NAP1L1: variants seen among roughly 807,000 people sequenced by gnomAD.
NAP1L1 encodes nucleosome assembly protein 1 like 1.
In NAP1L1, 9 loss-of-function variants were observed where a neutral mutation model predicts 58.9. That is an observed-to-expected ratio of 0.15 (90% CI 0.09 to 0.27). NAP1L1 has a LOEUF of 0.27. NAP1L1 is among the 10% of genes least tolerant of loss of function. NAP1L1 has a pLI of 1.00. For missense variants in NAP1L1, 302 were observed against 458.8 expected (o/e 0.66, Z 3.12); for synonymous variants, 130 against 138.3 (o/e 0.94, Z 0.42).
rs7972289 is a variant in NAP1L1, at chr12:76,067,365, C to T, written c.206+6G>A. On this transcript the variant is annotated splice_donor_region_variant and intron_variant, in intron 4 of 14. Coordinates refer to ENST00000618691, the MANE Select transcript of NAP1L1 (RefSeq NM_004537.7). ...AAGATAAATAAGGACTATGGAAAAG[C>T]TGTACCTTTCAATGTATCCTGTTGG... 0.81 allele frequency: 1,295,321 copies of T among 1,589,560 alleles called. 530,021 individuals carry two copies. The highest frequency in any genetic ancestry group is 1 in the East Asian group (44,445 of 44,590).
intron 2 of NAP1L1, among the ~76,000 whole-genome samples, chr12:76,070,743 T>G (rs1380715186): frequency 6.6e-6 from 1 of 152,224 alleles, no homozygotes; most frequent in African/African-American, 2.4e-5. Flanking sequence ...ACCAAAATCC[T>G]GGGATGTTCA....
At chr12:76,049,623 C>T (rs1450489852) in intron 13 of NAP1L1, 133 bp downstream of exon 13, 1 of 1,520,388 alleles carries the variant, frequency 6.6e-7, no homozygotes, top group African/African-American at 1.4e-5. Flanking sequence ...CTGTAGAATT[C>T]TAAAATCATG....
intron 4 of NAP1L1, among the ~76,000 whole-genome samples, chr12:76,063,945 G>A (rs953806655): frequency 4.7e-5 from 7 of 149,230 alleles, no homozygotes; most frequent in African/African-American, 1.7e-4. Flanking sequence ...CCAGCGCTTT[G>A]GAAGACCAAG....
chr12:76,068,247 T>C (rs1227896392), intron 3 of NAP1L1, among the ~76,000 whole-genome samples: 2 of 152,278 alleles, frequency 1.3e-5, no homozygotes, highest in East Asian at 1.9e-4. Flanking sequence ...AATATCAATA[T>C]TGGTCACTGA....
chr12:76,073,352 C>G (rs1041698724), intron 2 of NAP1L1, among the ~76,000 whole-genome samples: 1 of 152,214 alleles, frequency 6.6e-6, no homozygotes, highest in African/African-American at 2.4e-5. Flanking sequence ...TAAAATTACA[C>G]GCAACAAACA....
At chr12:76,054,950 T>C in intron 8 of NAP1L1, 69 bp downstream of exon 8, 1 of 1,177,368 alleles carries the variant, frequency 8.5e-7, no homozygotes, top group Non-Finnish European at 1.2e-6. Flanking sequence ...AATGTTATCT[T>C]TTTAAAAGCT....
At chr12:76,073,886 G>A (rs2137083186) in intron 2 of NAP1L1, 1 of 238,622 alleles carries the variant, frequency 4.2e-6, no homozygotes, top group South Asian at 9.9e-5. Flanking sequence ...AATGCAAGCA[G>A]TAAATCTTTG....
At position 76,044,595 on chromosome 12, in the gene NAP1L1, T is replaced by C. The variant is rs1948581032; in HGVS notation, c.*3834A>G. On this transcript the variant is annotated 3_prime_UTR_variant, in exon 15 of 15. Coordinates refer to ENST00000618691, the MANE Select transcript of NAP1L1 (RefSeq NM_004537.7). ...TCAAAAATATCATAAGTAGAAGATG[T>C]GTTTAATACTCCAATAAACTCATAA... The C allele has an allele frequency of 6.6e-6, 1 of 152,232 alleles. No individual in the cohort carries two copies. The highest frequency in any genetic ancestry group is 1.5e-5 in the Non-Finnish European group (1 of 68,046). The allele number at this position is 152,232 out of a possible 1,614,324, so 9.4% of individuals were successfully genotyped here.
intron 1 of NAP1L1, among the ~76,000 whole-genome samples, chr12:76,079,012 CAT>C (rs761513778): frequency 1.3e-5 from 2 of 151,830 alleles, no homozygotes; most frequent in South Asian, 2.1e-4. Flanking sequence ...CACACACACA[CAT>C]ATATTTATCC....
intron 2 of NAP1L1, chr12:76,073,878 T>C (rs1950075226): frequency 4.4e-6 from 1 of 229,112 alleles, no homozygotes; most frequent in African/African-American, 2.3e-5. Context: ...TACATTACAA[T>C]GCAAGCAGTA....
chr12:76,079,794 T>C (rs1138895), intron 1 of NAP1L1, among the ~76,000 whole-genome samples: 11 of 151,716 alleles, frequency 7.3e-5, no homozygotes, highest in African/African-American at 2.7e-4. Context: ...AGTGATCCTC[T>C]CACCTCAGCC....
chr12:76,068,431 C>CA (rs1191942698), intron 3 of NAP1L1: 1 of 152,414 alleles, frequency 6.6e-6, no homozygotes, highest in Non-Finnish European at 1.5e-5. Flanking sequence ...CTAAGTAGTA[C>CA]AATCCCCCAC....
intron 6 of NAP1L1, among the ~76,000 whole-genome samples, chr12:76,059,273 TG>T (rs1022213225): frequency 2.6e-5 from 4 of 152,246 alleles, no homozygotes; most frequent in Non-Finnish European, 5.9e-5. Context: ...TAATGTCAAG[TG>T]GGGGCACCCC....
chr12:76,054,917 A>G (rs1949010355), intron 8 of NAP1L1, 102 bp downstream of exon 8: 1 of 722,468 alleles, frequency 1.4e-6, no homozygotes, highest in African/African-American at 1.8e-5. Context: ...TCACTATAAC[A>G]AAGAGCACCA....
chr12:76,058,356 T>C (rs1373625853), intron 6 of NAP1L1, among the ~76,000 whole-genome samples: 1 of 151,080 alleles, frequency 6.6e-6, no homozygotes, highest in East Asian at 1.9e-4. Context: ...GAACAGAATT[T>C]AGTCAAATAA....
intron 11 of NAP1L1, among the ~76,000 whole-genome samples, chr12:76,051,293 C>G (rs1385795373): frequency 6.6e-6 from 1 of 151,198 alleles, no homozygotes; most frequent in Non-Finnish European, 1.5e-5. Flanking sequence ...CCGCAATTTT[C>G]CTTTTAAAAT....
chr12:76,077,980 C>CAAAAAAAAAAAAAAA (rs58558132), intron 1 of NAP1L1, among the ~76,000 whole-genome samples: 2 of 65,964 alleles, frequency 3.0e-5, no homozygotes, highest in African/African-American at 6.3e-5. Context: ...GACCCTGTCT[C>CAAAAAAAAAAAAAAA]AAAAAAAAAA....
intron 6 of NAP1L1, chr12:76,056,729 T>C: frequency 2.3e-6 from 1 of 438,364 alleles, no homozygotes; most frequent in Non-Finnish European, 4.5e-6. Context: ...CTAAAAACTG[T>C]AAGCCAGGCG....
At chr12:76,049,393 T>C in intron 13 of NAP1L1, 143 bp from the exon 14 acceptor site, 2 of 1,539,948 alleles carry the variant, frequency 1.3e-6, no homozygotes, top group Non-Finnish European at 1.7e-6. Flanking sequence ...ACAATTTAAT[T>C]TGAAAGCTTC....
Sources: allele counts gnomAD v4.1 joint callset (sites outside exome capture counted in the v4.1 genomes callset), GRCh38; gene constraint gnomAD v4.1.1; transcripts MANE v1.5; gene names NCBI Gene and HGNC (gene_info 2026-07-23, HGNC 2026-07-21).